The following LMX1B variants were observed in gnomAD, a reference collection of about 807,000 sequenced individuals.
The protein encoded by LMX1B is LIM homeobox transcription factor 1-beta.
A neutral mutation model predicts 51.4 loss-of-function variants in LMX1B; 12 were observed. The observed-to-expected ratio is 0.23, with a 90% confidence interval of 0.15 to 0.38. LMX1B has a LOEUF of 0.38. LMX1B is among the 10% of genes least tolerant of loss of function. The probability of loss-of-function intolerance (pLI) is 1.00; values close to 1 mark genes in which losing one functional copy is unlikely to be tolerated. For synonymous variants in LMX1B, 237 were observed against 235.4 expected (o/e 1.01, Z -0.06); for missense variants, 445 against 571.1 (o/e 0.78, Z 2.25).
At position 126,695,153 on chromosome 9, in the gene LMX1B, G is replaced by A. The variant is rs1243822979; in HGVS notation, c.887-686G>A. On this transcript the variant is annotated intron_variant, in intron 6 of 7. Coordinates refer to ENST00000373474, the MANE Select transcript of LMX1B (RefSeq NM_001174147.2). This position sits in a 1 kb window ranked among gnomAD's most constrained non-coding sequence, Gnocchi z 5.2. ...TTGACAGAGACCCCACCCTTCCTCT[G>A]GCTTCCTCACCCACTGGCCCCAGCC... Among the ~76,000 whole-genome samples the A allele has an allele frequency of 6.6e-6, 1 of 152,050 alleles. No homozygotes were observed. Among genetic ancestry groups the A allele is most frequent in the Non-Finnish European group, 1.5e-5 (1 of 67,996 alleles).
At chr9:126,647,400 G>A (rs186937937) in intron 2 of LMX1B, among the ~76,000 whole-genome samples, 6 of 152,270 alleles carry the variant, frequency 3.9e-5, no homozygotes, top group South Asian at 4.2e-4. Flanking sequence ...GGGACACGCC[G>A]GGACCGTGCT....
rs568467464 is a variant in LMX1B at position 126,664,129 on chromosome 9, G to A, written c.327-26707G>A. Reference sequence around the variant, plus strand: ...GAGGATGCCTGTCCAGCCAGCCCTCGTCTGCCTCCAGCCACCTCCAGGCCA... The same window carrying A: ...GAGGATGCCTGTCCAGCCAGCCCTCATCTGCCTCCAGCCACCTCCAGGCCA... On this transcript the variant is annotated intron_variant, in intron 2 of 7. Coordinates refer to ENST00000373474, the MANE Select transcript of LMX1B (RefSeq NM_001174147.2). Among the ~76,000 whole-genome samples the A allele has an allele frequency of 5.3e-5, 8 of 152,144 alleles. No homozygotes were observed. The South Asian group carries it at 8.3e-4, about 16-fold the overall frequency.
chr9:126,624,931 T>C (rs1345066190), intron 2 of LMX1B, among the ~76,000 whole-genome samples: 1 of 152,122 alleles, frequency 6.6e-6, no homozygotes, highest in East Asian at 1.9e-4. Context: ...ATGTAACTTT[T>C]CATTATGAAA....
chr9:126,632,135 G>A (rs758248523), intron 2 of LMX1B, among the ~76,000 whole-genome samples: 5 of 152,332 alleles, frequency 3.3e-5, no homozygotes, highest in Non-Finnish European at 7.3e-5. Flanking sequence ...TGCACGTAAA[G>A]AACCTACCTT....
chr9:126,644,193 G>A (rs1387582406), intron 2 of LMX1B, among the ~76,000 whole-genome samples: 1 of 152,204 alleles, frequency 6.6e-6, no homozygotes, highest in Non-Finnish European at 1.5e-5. Flanking sequence ...GGGGGTATCT[G>A]CTGAAGTCGT....
rs1457200240 is a variant in LMX1B at position 126,673,669 on chromosome 9, C to G, written c.327-17167C>G. Among the ~76,000 whole-genome samples the G allele has an allele frequency of 6.6e-6, 1 of 152,060 alleles. No homozygotes were observed. The highest frequency in any genetic ancestry group is 1.5e-5 in the Non-Finnish European group (1 of 67,986). ...CAGAGAGGGGGCATCGGGGGCATGGCTAGGGGCCAGCACTGTGCTTCCTGG... is the reference window on the plus strand; with the variant it reads ...CAGAGAGGGGGCATCGGGGGCATGGGTAGGGGCCAGCACTGTGCTTCCTGG... On this transcript the variant is annotated intron_variant, in intron 2 of 7. Coordinates refer to ENST00000373474, the MANE Select transcript of LMX1B (RefSeq NM_001174147.2). The surrounding 1 kb of genome is among the most constrained non-coding windows in gnomAD (Gnocchi z 4.4).
chr9:126,644,350 G>A (rs919109712), intron 2 of LMX1B, among the ~76,000 whole-genome samples: 2 of 152,170 alleles, frequency 1.3e-5, no homozygotes, highest in African/African-American at 4.8e-5. Context: ...TCCCAAGTCA[G>A]CATTTAAGCT....
intron 2 of LMX1B, among the ~76,000 whole-genome samples, chr9:126,666,568 T>A (rs1395746644): frequency 6.6e-6 from 1 of 151,526 alleles, no homozygotes; most frequent in Admixed American, 6.6e-5. Flanking sequence ...AAACAGGTTG[T>A]TAATAGCAAT....
At chr9:126,629,030 A>T (rs1288323388) in intron 2 of LMX1B, among the ~76,000 whole-genome samples, 2 of 151,674 alleles carry the variant, frequency 1.3e-5, no homozygotes, top group Non-Finnish European at 2.9e-5. Context: ...TTTCTATAGC[A>T]GTATGTAAGG....
At chr9:126,654,177 G>A (rs531736197) in intron 2 of LMX1B, among the ~76,000 whole-genome samples, 3 of 152,260 alleles carry the variant, frequency 2.0e-5, no homozygotes, top group Admixed American at 1.3e-4. Flanking sequence ...TCCTGGCTGC[G>A]CCCACTCAGG....
chr9:126,633,249 G>A (rs1163593237), intron 2 of LMX1B, among the ~76,000 whole-genome samples: 1 of 152,228 alleles, frequency 6.6e-6, no homozygotes, highest in Non-Finnish European at 1.5e-5. Context: ...GAACTCTCGA[G>A]GTGAAGCCCA....
chr9:126,651,599 G>A (rs1836009646), intron 2 of LMX1B, among the ~76,000 whole-genome samples: 1 of 152,110 alleles, frequency 6.6e-6, no homozygotes, highest in African/African-American at 2.4e-5. Flanking sequence ...CAGGGCCATG[G>A]GAACGCTGCC....
At chr9:126,672,771 C>T (rs1199081214) in intron 2 of LMX1B, among the ~76,000 whole-genome samples, 1 of 152,220 alleles carries the variant, frequency 6.6e-6, no homozygotes, top group Non-Finnish European at 1.5e-5. Flanking sequence ...GGGGGGCGCA[C>T]ACAGCCCAGG....
At chr9:126,668,045 C>T (rs1425647607) in intron 2 of LMX1B, among the ~76,000 whole-genome samples, 2 of 152,086 alleles carry the variant, frequency 1.3e-5, no homozygotes, top group African/African-American at 4.8e-5. Context: ...CAGGGCTGGC[C>T]AGGGAAGGTG....
At chr9:126,617,093 C>CG (rs1835317359) in intron 2 of LMX1B, among the ~76,000 whole-genome samples, 1 of 152,166 alleles carries the variant, frequency 6.6e-6, no homozygotes. Context: ...GAGAGGGAGA[C>CG]GCCAGTCCGT....
intron 2 of LMX1B, among the ~76,000 whole-genome samples, chr9:126,635,709 A>G (rs1835702692): frequency 6.6e-6 from 1 of 152,254 alleles, no homozygotes; most frequent in African/African-American, 2.4e-5. Context: ...TTGCAGCTCA[A>G]GAAACTGGGG....
At chr9:126,670,276 C>T (rs1290860462) in intron 2 of LMX1B, among the ~76,000 whole-genome samples, 3 of 152,242 alleles carry the variant, frequency 2.0e-5, no homozygotes, top group Admixed American at 1.3e-4. Flanking sequence ...CGGCAGACCT[C>T]CCCACGGGTG....
chr9:126,639,719 G>C (rs540122031), intron 2 of LMX1B, among the ~76,000 whole-genome samples: 163 of 152,334 alleles, frequency 1.1e-3, no homozygotes, highest in African/African-American at 3.6e-3. Flanking sequence ...GGAGGGCTCA[G>C]GATGGGACCA....
intron 2 of LMX1B, among the ~76,000 whole-genome samples, chr9:126,635,220 G>A (rs1233440103): frequency 6.6e-6 from 1 of 152,134 alleles, no homozygotes; most frequent in African/African-American, 2.4e-5. Flanking sequence ...CCTTCCCCCA[G>A]CCCTCCCACT....
Sources: gnomAD v4.1 joint callset for allele counts (sites outside exome capture counted in the v4.1 genomes callset) on GRCh38, gnomAD v4.1.1 for gene constraint, Gnocchi (gnomAD v3.1) non-coding constraint, MANE v1.5 for transcripts, NCBI Gene and HGNC (gene_info 2026-07-23, HGNC 2026-07-21) for gene names.